CACNA2D3: variants seen among roughly 807,000 people sequenced by gnomAD.
CACNA2D3 encodes voltage-dependent calcium channel subunit alpha-2/delta-3.
Under a neutral mutation model 160.6 loss-of-function variants are expected in CACNA2D3, and 60 were observed. The observed-to-expected ratio is 0.37, with a 90% confidence interval of 0.30 to 0.46. The LOEUF (loss-of-function observed/expected upper bound fraction) is 0.46. CACNA2D3 is among the 20% of genes least tolerant of loss of function. The pLI is 1.00. For synonymous variants in CACNA2D3, 558 were observed against 492.9 expected (o/e 1.13, Z -1.75); for missense variants, 1,205 against 1,365.0 (o/e 0.88, Z 1.85).
intron 10 of CACNA2D3, chr3:54,637,654 TAAG>T (rs1385971726): frequency 6.6e-6 from 1 of 151,868 alleles, no homozygotes; most frequent in Non-Finnish European, 1.5e-5. Flanking sequence ...CCGTATTGAT[TAAG>T]AAGGGGACGG....
chr3:54,503,490 A>G lies in CACNA2D3; in HGVS notation c.382-2A>G. On this transcript the variant is annotated splice_acceptor_variant, in intron 4 of 37. Transcript: ENST00000474759. LOFTEE classifies it high-confidence loss of function. ...GTAATGTTTTTTGACTTTGTCTTTC[A>G]GTATGAATACTTCAATGCTGTGCTG... 1 of 1,613,780 alleles carries G rather than the reference A, an allele frequency of 6.2e-7. No homozygotes were observed. The highest frequency in any genetic ancestry group is 1.7e-4 in the Middle Eastern group (1 of 6,058).
At chr3:54,312,944 C>T (rs977750052) in intron 2 of CACNA2D3, among the ~76,000 whole-genome samples, 1 of 152,214 alleles carries the variant, frequency 6.6e-6, no homozygotes, top group Non-Finnish European at 1.5e-5. Flanking sequence ...GCATCATCCA[C>T]CACCCTGTCG....
In CACNA2D3 at chr3:54,962,079, A is replaced by G. The variant is rs573894439; in HGVS notation, c.2450-6371A>G. On this transcript the variant is annotated intron_variant, in intron 27 of 37. Coordinates refer to ENST00000474759, the MANE Select transcript of CACNA2D3 (RefSeq NM_018398.3). ...CATTAATCCATTAACCCATTAATCT[A>G]TTAATAGATTAATCCATTCATGAGG... Among the ~76,000 whole-genome samples, 51 of 152,266 alleles carry G rather than the reference A, an allele frequency of 3.3e-4. 2 individuals are homozygous for G. In the Middle Eastern group the frequency reaches 0.017, roughly 51 times the overall value.
intron 2 of CACNA2D3, among the ~76,000 whole-genome samples, chr3:54,282,005 C>G (rs1230602297): frequency 6.6e-6 from 1 of 152,174 alleles, no homozygotes; most frequent in Non-Finnish European, 1.5e-5. Context: ...CTTAAGTGGT[C>G]TCAGCAAATC....
At chr3:54,934,087 T>C (rs1701271539) in intron 27 of CACNA2D3, among the ~76,000 whole-genome samples, 1 of 152,206 alleles carries the variant, frequency 6.6e-6, no homozygotes, top group Non-Finnish European at 1.5e-5. Flanking sequence ...TTACTATTAC[T>C]TTTGATACAA....
rs1238894704 is a variant in CACNA2D3 at position 54,123,611 on chromosome 3, G to A, written c.204+17G>A. The A allele has an allele frequency of 6.2e-7, 1 of 1,602,930 alleles. No homozygotes were observed. Among genetic ancestry groups the A allele is most frequent in the East Asian group, 2.2e-5 (1 of 44,836 alleles). On this transcript the variant is annotated intron_variant, in intron 2 of 37. Transcript: ENST00000474759. ...CTGCAAAAGGTAAGGTTTCTGTGGT[G>A]GCAGGAAGCGATGATTTTTCCGGCA...
chr3:54,848,603 A>G (rs140032610), intron 17 of CACNA2D3, among the ~76,000 whole-genome samples: 203 of 152,350 alleles, frequency 1.3e-3, no homozygotes, highest in African/African-American at 4.6e-3. Flanking sequence ...CCAACCGTTA[A>G]GCATTACATG....
At chr3:54,346,873 T>C (rs1418555765) in intron 3 of CACNA2D3, among the ~76,000 whole-genome samples, 1 of 152,196 alleles carries the variant, frequency 6.6e-6, no homozygotes, top group Non-Finnish European at 1.5e-5. Flanking sequence ...ATAGTTTTGC[T>C]TTTTCCCTAT....
At chr3:54,503,720 G>A in intron 5 of CACNA2D3, 66 bp downstream of exon 5, 1 of 1,446,318 alleles carries the variant, frequency 6.9e-7, no homozygotes, top group Non-Finnish European at 9.6e-7. Flanking sequence ...GCAGGGGCTG[G>A]CTGGTTTGGG....
intron 2 of CACNA2D3, among the ~76,000 whole-genome samples, chr3:54,169,227 C>T (rs1286313640): frequency 1.3e-5 from 2 of 152,198 alleles, no homozygotes; most frequent in Non-Finnish European, 2.9e-5. Flanking sequence ...TGAAATAGAT[C>T]AGTGTCTGGT....
chr3:54,924,920 C>A (rs867957369), intron 27 of CACNA2D3: 1 of 1,613,106 alleles, frequency 6.2e-7, no homozygotes. Context: ...GATTTAAAAC[C>A]TGCAAGTGCT....
At chr3:54,816,391 C>A (rs796870991) in intron 13 of CACNA2D3, among the ~76,000 whole-genome samples, 1 of 152,140 alleles carries the variant, frequency 6.6e-6, no homozygotes, top group African/African-American at 2.4e-5. Context: ...CACAGTGTCC[C>A]TTGGCCTCTA....
At chr3:54,747,184 C>T (rs547274799) in intron 11 of CACNA2D3, among the ~76,000 whole-genome samples, 7 of 152,182 alleles carry the variant, frequency 4.6e-5, no homozygotes, top group Admixed American at 3.9e-4. Flanking sequence ...GGTCAGACCC[C>T]ACGGACATTT....
intron 2 of CACNA2D3, among the ~76,000 whole-genome samples, chr3:54,319,542 G>C (rs535265164): frequency 6.6e-6 from 1 of 152,262 alleles, no homozygotes; most frequent in East Asian, 1.9e-4. Flanking sequence ...GACATTAAAA[G>C]TGTTATAAAC....
intron 13 of CACNA2D3, among the ~76,000 whole-genome samples, chr3:54,798,492 T>C (rs1702917405): frequency 1.3e-5 from 2 of 152,064 alleles, no homozygotes; most frequent in South Asian, 4.1e-4. Context: ...GCCAAGATCA[T>C]GCCACTGCAC....
At chr3:54,326,090 A>T in intron 3 of CACNA2D3, among the ~76,000 whole-genome samples, 1 of 152,328 alleles carries the variant, frequency 6.6e-6, no homozygotes. Flanking sequence ...CAGTAATTCA[A>T]TTTCAGTGCA....
chr3:54,502,980 A>T (rs1421335578), intron 4 of CACNA2D3, among the ~76,000 whole-genome samples: 1 of 152,124 alleles, frequency 6.6e-6, no homozygotes, highest in Non-Finnish European at 1.5e-5. Flanking sequence ...CCCCTCATTT[A>T]ATCTCTATTT....
rs144492614 is a variant in CACNA2D3, at chr3:54,634,212, A to G, written c.1053+6336A>G. On this transcript the variant is annotated intron_variant, in intron 10 of 37. Coordinates refer to ENST00000474759, the MANE Select transcript of CACNA2D3 (RefSeq NM_018398.3). ...CCATCCCTCCCCAGTGTCATGGTTC[A>G]ATAGATTGAACCTGCCAGGCACACT... Among the ~76,000 whole-genome samples, 275 of 152,262 alleles carry G rather than the reference A, an allele frequency of 1.8e-3. 1 individual carries two copies. The highest frequency in any genetic ancestry group is 6.1e-3 in the African/African-American group (253 of 41,538).
intron 27 of CACNA2D3, among the ~76,000 whole-genome samples, chr3:54,904,741 G>A (rs1029489385): frequency 5.3e-5 from 8 of 152,130 alleles, no homozygotes; most frequent in African/African-American, 1.9e-4. Flanking sequence ...CAAGGAAGAC[G>A]GGCTTCATTT....
Sources: allele counts gnomAD v4.1 joint callset (sites outside exome capture counted in the v4.1 genomes callset), GRCh38; gene constraint gnomAD v4.1.1; transcripts MANE v1.5; gene names NCBI Gene and HGNC (gene_info 2026-07-23, HGNC 2026-07-21).